The following MAGI3 variants were observed in gnomAD, a reference collection of about 807,000 sequenced individuals.
The protein encoded by MAGI3 is membrane associated guanylate kinase, WW and PDZ domain containing 3, also known as membrane-associated guanylate kinase, WW and PDZ domain-containing protein 3.
Under a neutral mutation model 121.8 loss-of-function variants are expected in MAGI3, and 43 were observed. The ratio of observed to expected loss-of-function variants is 0.35; its 90% CI spans 0.28 to 0.46. MAGI3 has a LOEUF of 0.46. Ranked by LOEUF, MAGI3 falls within the 20% of genes least tolerant of loss-of-function variation. The pLI, the probability that MAGI3 is intolerant of heterozygous loss-of-function variation, is 1.00. For synonymous variants in MAGI3, 553 were observed against 639.3 expected (o/e 0.86, Z 2.04); for missense variants, 1,547 against 1,797.3 (o/e 0.86, Z 2.52).
chr1:113,416,187 A>ATGTAATTAATGACACAT lies in MAGI3; in HGVS notation c.316+24838_316+24839insTGTAATTAATGACACAT, dbSNP rs769035340. On this transcript the variant is annotated intron_variant, in intron 1 of 20. Transcript: ENST00000307546. ...TATTATGTAATTAATGACACATATT[A>ATGTAATTAATGACACAT]ATTATGTAATTAATGACACATATTA... 7.7e-5 allele frequency among the ~76,000 whole-genome samples: 3 copies of ATGTAATTAATGACACAT among 38,730 alleles called. 1 individual carries two copies. Among genetic ancestry groups the ATGTAATTAATGACACAT allele is most frequent in the Non-Finnish European group, 1.4e-4 (3 of 22,034 alleles). The allele number at this position is 38,730 out of a possible 152,430, so 25.4% of individuals were successfully genotyped here. A position where few individuals can be genotyped will look rare whatever the true frequency, so the allele number is the denominator to read the frequency against.
intron 1 of MAGI3, among the ~76,000 whole-genome samples, chr1:113,492,249 C>A (rs1656706550): frequency 6.6e-6 from 1 of 152,152 alleles, no homozygotes; most frequent in Non-Finnish European, 1.5e-5. Flanking sequence ...ATCACATAAA[C>A]ACAACTAAAG....
rs536278361 is a variant in MAGI3 at position 113,576,321 on chromosome 1, T to G, written c.434-4221T>G. Among the ~76,000 whole-genome samples, 4 of 152,308 alleles carry G rather than the reference T, an allele frequency of 2.6e-5. No homozygotes were observed. The South Asian group carries it at 8.3e-4, about 32-fold the overall frequency. ...GGTGGTGTAGGCACACGAGGGAATTTCCTGGTCTGCAGGTTGCAAAAGCTG... is the reference window on the plus strand; with the variant it reads ...GGTGGTGTAGGCACACGAGGGAATTGCCTGGTCTGCAGGTTGCAAAAGCTG... On this transcript the variant is annotated intron_variant, in intron 2 of 20. Transcript: ENST00000307546.
Position 113,422,537 on chromosome 1 carries a change from C to T in MAGI3, c.316+31188C>T, listed in dbSNP as rs1339929276. On this transcript the variant is annotated intron_variant, in intron 1 of 20. Coordinates refer to ENST00000307546, the MANE Select transcript of MAGI3 (RefSeq NM_001142782.2). The surrounding 1 kb of genome is among the most constrained non-coding windows in gnomAD (Gnocchi z 4.3). ...AGTGAGCGAGTGTGGGGTCTGGCCACTGCGCACAGACAGGCATGCCAGCTG... is the reference window on the plus strand; with the variant it reads ...AGTGAGCGAGTGTGGGGTCTGGCCATTGCGCACAGACAGGCATGCCAGCTG... 1.3e-5 allele frequency among the ~76,000 whole-genome samples: 2 copies of T among 152,238 alleles called. No homozygotes were observed. Among genetic ancestry groups the T allele is most frequent in the Non-Finnish European group, 2.9e-5 (2 of 68,048 alleles).
chr1:113,571,611 C>T (rs1379563603), intron 2 of MAGI3, among the ~76,000 whole-genome samples: 1 of 152,022 alleles, frequency 6.6e-6, no homozygotes, highest in Non-Finnish European at 1.5e-5. Flanking sequence ...CCTTCATGTC[C>T]CTTGTAAGTT....
chr1:113,513,672 C>T (rs1280422497), intron 1 of MAGI3, among the ~76,000 whole-genome samples: 1 of 152,164 alleles, frequency 6.6e-6, no homozygotes, highest in Non-Finnish European at 1.5e-5. Flanking sequence ...ACCATAAAAA[C>T]CCTAGAAGAA....
intron 1 of MAGI3, among the ~76,000 whole-genome samples, chr1:113,530,650 C>T (rs777050865): frequency 1.5e-4 from 23 of 151,876 alleles, no homozygotes; most frequent in African/African-American, 2.4e-4. Flanking sequence ...CCAGGTGCAG[C>T]GGCCTTATGC....
chr1:113,511,819 A>G (rs1657629322), intron 1 of MAGI3, among the ~76,000 whole-genome samples: 1 of 152,206 alleles, frequency 6.6e-6, no homozygotes, highest in Non-Finnish European at 1.5e-5. Flanking sequence ...AATTTACTGA[A>G]GCTGATATTG....
At chr1:113,405,096 A>G (rs1219902341) in intron 1 of MAGI3, among the ~76,000 whole-genome samples, 3 of 152,114 alleles carry the variant, frequency 2.0e-5, no homozygotes, top group Non-Finnish European at 2.9e-5. Context: ...GGCAGGGTGA[A>G]GTGTGATATA....
rs1348859940 is a variant in MAGI3, at chr1:113,457,991, A to C, written c.316+66642A>C. On this transcript the variant is annotated intron_variant, in intron 1 of 20. Transcript: ENST00000307546. Reference sequence around the variant, plus strand: ...TGAAGAACAGTGAACTAAGTGGGAGAGTAAGAAGAGGTAATGCTGGAGAAG... The same window carrying C: ...TGAAGAACAGTGAACTAAGTGGGAGCGTAAGAAGAGGTAATGCTGGAGAAG... 2.0e-5 allele frequency among the ~76,000 whole-genome samples: 3 copies of C among 152,228 alleles called. No individual in the cohort carries two copies. In the East Asian group the frequency reaches 5.8e-4, roughly 29 times the overall value.
chr1:113,662,189 T>C (rs999633646), intron 16 of MAGI3, among the ~76,000 whole-genome samples: 1 of 152,216 alleles, frequency 6.6e-6, no homozygotes, highest in African/African-American at 2.4e-5. Flanking sequence ...TGAACAACTC[T>C]TGGTCCCTCC....
At chr1:113,632,215 C>A (rs556996212) in intron 9 of MAGI3, among the ~76,000 whole-genome samples, 1 of 152,200 alleles carries the variant, frequency 6.6e-6, no homozygotes, top group East Asian at 1.9e-4. Flanking sequence ...ATAAAGTTAA[C>A]AAACTTTAGA....
chr1:113,666,522 C>T (rs1224503032), intron 16 of MAGI3, among the ~76,000 whole-genome samples: 1 of 152,240 alleles, frequency 6.6e-6, no homozygotes, highest in African/African-American at 2.4e-5. Flanking sequence ...GTCCCAACTT[C>T]AGGCTCTACT....
intron 16 of MAGI3, among the ~76,000 whole-genome samples, chr1:113,662,355 G>A (rs1439916783): frequency 2.0e-5 from 3 of 151,996 alleles, no homozygotes; most frequent in Admixed American, 6.6e-5. Flanking sequence ...CAACACTACC[G>A]CCTCTTCCTC....
intron 9 of MAGI3, among the ~76,000 whole-genome samples, chr1:113,641,450 T>C (rs1652527719): frequency 6.6e-6 from 1 of 151,578 alleles, no homozygotes. Flanking sequence ...AGCGTCTTTT[T>C]CAGTGTATGT....
At chr1:113,647,069 G>A (rs1652889827) in intron 12 of MAGI3, among the ~76,000 whole-genome samples, 1 of 152,236 alleles carries the variant, frequency 6.6e-6, no homozygotes, top group Admixed American at 6.5e-5. Flanking sequence ...TGGGCAGTAG[G>A]AAGTGTCAGG....
chr1:113,427,393 T>TC (rs1445790524), intron 1 of MAGI3, among the ~76,000 whole-genome samples: 1 of 152,198 alleles, frequency 6.6e-6, no homozygotes, highest in Non-Finnish European at 1.5e-5. Context: ...GGAGATTGCT[T>TC]CCCCTGGCTG....
At chr1:113,597,193 T>C (rs1649072198) in intron 6 of MAGI3, among the ~76,000 whole-genome samples, 3 of 152,158 alleles carry the variant, frequency 2.0e-5, no homozygotes, top group African/African-American at 7.2e-5. Flanking sequence ...AAAAACATGC[T>C]AAGTGAAAGA....
At chr1:113,489,842 A>C (rs546183582) in intron 1 of MAGI3, among the ~76,000 whole-genome samples, 11 of 152,248 alleles carry the variant, frequency 7.2e-5, no homozygotes, top group Admixed American at 3.9e-4. Context: ...AATAGAGGCA[A>C]AAGAATGAAA....
chr1:113,682,504 T>C, intron 20 of MAGI3: 4 of 1,312,456 alleles, frequency 3.0e-6, no homozygotes, highest in Non-Finnish European at 3.9e-6. Context: ...CTTTATTAAT[T>C]AGTGATTTTG....
Sources: allele counts gnomAD v4.1 joint callset (sites outside exome capture counted in the v4.1 genomes callset), GRCh38; gene constraint gnomAD v4.1.1; non-coding constraint Gnocchi (gnomAD v3.1); transcripts MANE v1.5; gene names NCBI Gene and HGNC (gene_info 2026-07-23, HGNC 2026-07-21).